TAB3: variants seen among roughly 807,000 people sequenced by gnomAD.
TAB3 encodes the protein TGF-beta-activated kinase 1 and MAP3K7-binding protein 3.
Under a neutral mutation model 48.1 loss-of-function variants are expected in TAB3, and 18 were observed. The ratio of observed to expected loss-of-function variants is 0.37; its 90% CI spans 0.26 to 0.55. The LOEUF (loss-of-function observed/expected upper bound fraction) is 0.55, where lower values mean the gene tolerates loss of function less well. TAB3 is among the 20% of genes least tolerant of loss of function. The pLI is 0.78. For missense variants in TAB3, 414 were observed against 549.8 expected, an observed-to-expected ratio of 0.75 and a Z score of 2.47; for synonymous variants, 185 against 190.2, an observed-to-expected ratio of 0.97 and a Z score of 0.22.
At chrX:30,863,804 TAG>T (rs1357798334) in intron 4 of TAB3, among the ~76,000 whole-genome samples, 1 of 112,160 alleles carries the variant, frequency 8.9e-6, no homozygotes, top group Non-Finnish European at 1.9e-5. Context: ...TGGCCTAATA[TAG>T]TCAGTTTCCT....
At chrX:30,880,656 T>C (rs1037024694) in intron 1 of TAB3, among the ~76,000 whole-genome samples, 5 of 111,340 alleles carry the variant, frequency 4.5e-5, no homozygotes, top group Non-Finnish European at 5.7e-5. Flanking sequence ...ATTTCCAGCA[T>C]ATAGTAAAAA....
chrX:30,880,347 C>T (rs1271687297), intron 1 of TAB3, among the ~76,000 whole-genome samples: 5 of 111,712 alleles, frequency 4.5e-5, no homozygotes, highest in Admixed American at 9.5e-5. Flanking sequence ...ACCAAAGGAA[C>T]AGAACAGAAA....
chrX:30,870,578 G>C (rs1284363427), intron 2 of TAB3, among the ~76,000 whole-genome samples: 1 of 112,282 alleles, frequency 8.9e-6, no homozygotes, highest in Non-Finnish European at 1.9e-5. Flanking sequence ...TCAGGGAAGA[G>C]ATGACATTTA....
chrX:30,877,262 A>G (rs1569226929), intron 1 of TAB3, among the ~76,000 whole-genome samples: 2 of 112,142 alleles, frequency 1.8e-5, no homozygotes, highest in African/African-American at 6.5e-5. Flanking sequence ...CAAGAAAAAA[A>G]TTAAAATACA....
chrX:30,840,266 A>G (rs1601801553), intron 9 of TAB3, among the ~76,000 whole-genome samples: 1 of 110,571 alleles, frequency 9.0e-6, no homozygotes, highest in South Asian at 3.8e-4. Context: ...CCTTTCTTCT[A>G]CTTTGTTTTT....
intron 2 of TAB3, among the ~76,000 whole-genome samples, chrX:30,868,481 T>TTA (rs775624507): frequency 1.4e-4 from 4 of 28,191 alleles, no homozygotes; most frequent in East Asian, 8.7e-4. Context: ...TATATATAGC[T>TTA]TATATATATA....
At chrX:30,841,768 T>C (rs1179099175) in intron 9 of TAB3, among the ~76,000 whole-genome samples, 2 of 112,344 alleles carry the variant, frequency 1.8e-5, no homozygotes, top group Admixed American at 1.9e-4. Flanking sequence ...GATTAAAATA[T>C]TAAGAATGAG....
intron 5 of TAB3, among the ~76,000 whole-genome samples, chrX:30,856,514 T>G (rs1047662782): frequency 8.9e-6 from 1 of 112,310 alleles, no homozygotes; most frequent in Non-Finnish European, 1.9e-5. Flanking sequence ...CAAACTATTT[T>G]ACTAGTGTAA....
chrX:30,860,483 A>G (rs1311608562), intron 4 of TAB3, among the ~76,000 whole-genome samples: 1 of 112,144 alleles, frequency 8.9e-6, no homozygotes, highest in African/African-American at 3.2e-5. Context: ...AATGAGGGCC[A>G]GATGGACTGC....
intron 4 of TAB3, among the ~76,000 whole-genome samples, chrX:30,861,285 G>A (rs1238226478): frequency 9.0e-6 from 1 of 111,227 alleles, no homozygotes; most frequent in Non-Finnish European, 1.9e-5. Context: ...TAATAAGATA[G>A]ATTTGGATAA....
chrX:30,861,780 A>G (rs1353143491), intron 4 of TAB3, among the ~76,000 whole-genome samples: 1 of 111,992 alleles, frequency 8.9e-6, no homozygotes, highest in African/African-American at 3.2e-5. Flanking sequence ...CTAGTGGCCA[A>G]CTTAAAAAGA....
intron 7 of TAB3, among the ~76,000 whole-genome samples, chrX:30,849,077 A>G (rs1274086675): frequency 8.9e-6 from 1 of 112,152 alleles, no homozygotes; most frequent in East Asian, 2.8e-4. Context: ...TTCTATCTCA[A>G]AACTCTGAAA....
Position 30,834,123 on chromosome X carries a change from T to C in TAB3, c.1918A>G (p.Lys640Glu). The change falls in exon 10 of 11, where the codon AAA (lysine) becomes GAA (glutamate). Residue 640 changes from lysine (K) to glutamate (E), a missense_variant. By Grantham distance (56) the Lys-to-Glu change is moderately conservative. Transcript: ENST00000288422. Reference sequence around the variant, plus strand: ...GAGGTCACGCTAATTCTTCGGGCTTTTCTCTCAATTGTGCAGGGGTCTGAG... The same window carrying C: ...GAGGTCACGCTAATTCTTCGGGCTTCTCTCTCAATTGTGCAGGGGTCTGAG... ...DSSDPCTIER[K>E]ARRISVTSKV... 1 of 1,211,477 alleles carries C rather than the reference T, an allele frequency of 8.3e-7. No individual in the cohort carries two copies. Among genetic ancestry groups the C allele is most frequent in the Non-Finnish European group, 1.1e-6 (1 of 895,408 alleles).
chrX:30,842,499 C>G (rs1447718785), intron 9 of TAB3, among the ~76,000 whole-genome samples: 4 of 111,624 alleles, frequency 3.6e-5, no homozygotes, highest in African/African-American at 1.3e-4. Flanking sequence ...ATTATATAGT[C>G]CATCAAATTA....
chrX:30,857,389 C>G (rs976022471), intron 5 of TAB3, among the ~76,000 whole-genome samples: 2 of 109,630 alleles, frequency 1.8e-5, no homozygotes, highest in African/African-American at 3.3e-5. Flanking sequence ...GAATGTGTCA[C>G]TGACAGACAT....
At chrX:30,871,104 G>A (rs955475328) in intron 2 of TAB3, among the ~76,000 whole-genome samples, 3 of 111,059 alleles carry the variant, frequency 2.7e-5, no homozygotes, top group Non-Finnish European at 3.8e-5. Context: ...TAGAAATCAC[G>A]GCTGATATTG....
intron 1 of TAB3, among the ~76,000 whole-genome samples, chrX:30,881,690 TTAAC>T (rs1376235854): frequency 1.8e-5 from 2 of 111,930 alleles, no homozygotes; most frequent in Admixed American, 9.5e-5. Context: ...ATCTTAGAAG[TTAAC>T]TAACAACTAG....
intron 10 of TAB3, among the ~76,000 whole-genome samples, chrX:30,833,002 G>C (rs1197909275): frequency 1.1e-5 from 1 of 92,884 alleles, no homozygotes; most frequent in Non-Finnish European, 2.1e-5. Flanking sequence ...ACGGAGTCTT[G>C]CTCTGTTGCC....
chrX:30,860,836 C>G (rs1939227614), intron 4 of TAB3, among the ~76,000 whole-genome samples: 2 of 111,798 alleles, frequency 1.8e-5, no homozygotes, highest in Non-Finnish European at 3.8e-5. Context: ...ATTGAATTTC[C>G]TGTTTTCTGA....
Sources: gnomAD v4.1 joint callset for allele counts (sites outside exome capture counted in the v4.1 genomes callset) on GRCh38, gnomAD v4.1.1 for gene constraint, MANE v1.5 for transcripts, NCBI Gene and HGNC (gene_info 2026-07-23, HGNC 2026-07-21) for gene names.